The following DNAJC3 variants were observed in gnomAD, a reference collection of about 807,000 sequenced individuals.
The protein encoded by DNAJC3 is DnaJ heat shock protein family (Hsp40) member C3.
DNAJC3 carries 38 observed loss-of-function variants against 68.6 expected under a neutral mutation model. The observed-to-expected ratio is 0.55, with a 90% CI of 0.43 to 0.73. DNAJC3 has a LOEUF of 0.73. DNAJC3 is among the 30% of genes least tolerant of loss of function. The pLI is 0.00. For missense variants in DNAJC3, 526 were observed against 591.9 expected, an observed-to-expected ratio of 0.89 and a Z score of 1.16; for synonymous variants, 203 against 204.0, an observed-to-expected ratio of 1.00 and a Z score of 0.04.
At chr13:95,772,716 GT>G (rs766380020) in intron 9 of DNAJC3, among the ~76,000 whole-genome samples, 3 of 152,054 alleles carry the variant, frequency 2.0e-5, no homozygotes, top group Non-Finnish European at 2.9e-5. Flanking sequence ...AATATTTGCT[GT>G]TTCTTTTTGT....
intron 1 of DNAJC3, among the ~76,000 whole-genome samples, chr13:95,706,616 C>T (rs776296956): frequency 2.0e-5 from 3 of 152,118 alleles, no homozygotes; most frequent in Admixed American, 6.5e-5. Flanking sequence ...AAGGCATCCA[C>T]CATGGGTAAA....
intron 4 of DNAJC3, among the ~76,000 whole-genome samples, chr13:95,746,402 A>G (rs1359562583): frequency 6.6e-6 from 1 of 152,186 alleles, no homozygotes; most frequent in Non-Finnish European, 1.5e-5. Context: ...TAGACTTTAT[A>G]CATTTTGTGT....
At chr13:95,703,284 C>A (rs1051735068) in intron 1 of DNAJC3, among the ~76,000 whole-genome samples, 13 of 152,292 alleles carry the variant, frequency 8.5e-5, no homozygotes, top group African/African-American at 3.1e-4. Context: ...GAAAGCTTAA[C>A]TAAAACACGA....
chr13:95,751,103 CACAT>C (rs1249443700), intron 4 of DNAJC3, among the ~76,000 whole-genome samples: 1 of 152,050 alleles, frequency 6.6e-6, no homozygotes, highest in Non-Finnish European at 1.5e-5. Context: ...GGTATGGTGA[CACAT>C]ACCTGTAGTC....
chr13:95,742,396 G>C (rs1882173116), intron 4 of DNAJC3, among the ~76,000 whole-genome samples: 1 of 152,176 alleles, frequency 6.6e-6, no homozygotes, highest in Admixed American at 6.5e-5. Flanking sequence ...TGGAAGGTGT[G>C]TAGGATCCAG....
chr13:95,681,020 G>T (rs1215609601), intron 1 of DNAJC3, among the ~76,000 whole-genome samples: 3 of 152,188 alleles, frequency 2.0e-5, no homozygotes, highest in Non-Finnish European at 4.4e-5. Flanking sequence ...TAACTATATT[G>T]CTCTTTGGTG....
chr13:95,678,714 T>C (rs943615363), intron 1 of DNAJC3, among the ~76,000 whole-genome samples: 1 of 151,982 alleles, frequency 6.6e-6, no homozygotes, highest in South Asian at 2.1e-4. Context: ...TTGCCTATGT[T>C]CTGTTTAATG....
chr13:95,769,982 T>A (rs17879500), intron 9 of DNAJC3, among the ~76,000 whole-genome samples: 2 of 152,114 alleles, frequency 1.3e-5, no homozygotes, highest in Non-Finnish European at 2.9e-5. Flanking sequence ...TTCCAAATTA[T>A]GAAAAGCTTA....
intron 2 of DNAJC3, among the ~76,000 whole-genome samples, chr13:95,711,702 C>T (rs1880973159): frequency 6.6e-6 from 1 of 151,944 alleles, no homozygotes; most frequent in Non-Finnish European, 1.5e-5. Flanking sequence ...AACATAGCCT[C>T]TAAATACATA....
At chr13:95,741,067 T>C (rs928577063) in intron 4 of DNAJC3, among the ~76,000 whole-genome samples, 2 of 152,232 alleles carry the variant, frequency 1.3e-5, no homozygotes, top group African/African-American at 4.8e-5. Context: ...AATTTCTTTT[T>C]CATTGGAATC....
intron 2 of DNAJC3, among the ~76,000 whole-genome samples, chr13:95,717,589 G>A (rs902162040): frequency 2.0e-4 from 31 of 152,288 alleles, no homozygotes; most frequent in African/African-American, 6.7e-4. Flanking sequence ...ATCTCGAATT[G>A]TAGCTCCCAT....
At position 95,790,997 on chromosome 13, in the gene DNAJC3, C is replaced by A; in HGVS notation, c.1482C>A (p.Gly494=). The change falls in exon 12 of 12, where the codon GGC becomes GGA. Residue 494 remains glycine, a synonymous_variant. Coordinates refer to ENST00000602402, the MANE Select transcript of DNAJC3 (RefSeq NM_006260.5). The stretch of plus-strand genomic sequence containing the variant: ...AAGGGTTCAATCCCTTCAGCTCAGG[C>A]GGACCATTTAGATTTAAATTCCACT... The part of the protein sequence containing the change: ...SWQGFNPFSS[G]GPFRFKFHFN 7 of 1,613,680 alleles carry A rather than the reference C, an allele frequency of 4.3e-6. No individual in the cohort carries two copies. Among genetic ancestry groups the A allele is most frequent in the Non-Finnish European group, 5.9e-6 (7 of 1,179,868 alleles).
intron 7 of DNAJC3, among the ~76,000 whole-genome samples, chr13:95,761,038 A>G (rs1290266599): frequency 1.3e-5 from 2 of 152,240 alleles, no homozygotes; most frequent in South Asian, 4.1e-4. Flanking sequence ...AATATTTATT[A>G]TCTCCTATAT....
chr13:95,747,090 C>T (rs1882326919), intron 4 of DNAJC3, among the ~76,000 whole-genome samples: 1 of 152,170 alleles, frequency 6.6e-6, no homozygotes, highest in Non-Finnish European at 1.5e-5. Context: ...TTTAAATAGT[C>T]ATTTCATATA....
At chr13:95,711,236 C>T (rs1219825844) in intron 2 of DNAJC3, among the ~76,000 whole-genome samples, 4 of 152,282 alleles carry the variant, frequency 2.6e-5, no homozygotes, top group South Asian at 2.1e-4. Context: ...TGGTGGCCCA[C>T]GCCTGTAATC....
At chr13:95,724,664 A>G (rs1881447044) in intron 3 of DNAJC3, among the ~76,000 whole-genome samples, 1 of 152,064 alleles carries the variant, frequency 6.6e-6, no homozygotes, top group African/African-American at 2.4e-5. Flanking sequence ...ATTAGCGGTC[A>G]CTCCCCATTG....
chr13:95,758,056 G>A (rs188764048), intron 5 of DNAJC3, among the ~76,000 whole-genome samples: 1 of 152,216 alleles, frequency 6.6e-6, no homozygotes, highest in Admixed American at 6.5e-5. Context: ...AGTTGATTTT[G>A]TATTTTTTTG....
rs1883624202 is a variant in DNAJC3 at position 95,787,095 on chromosome 13, A to G, written c.1297A>G (p.Lys433Glu). 5.6e-6 allele frequency: 9 copies of G among 1,614,068 alleles called. 1 individual carries two copies. Among genetic ancestry groups the G allele is most frequent in the Non-Finnish European group, 7.6e-6 (9 of 1,179,960 alleles). Residue 433 changes from lysine (K) to glutamate (E), a missense_variant, in exon 11 of 12, where the codon AAA becomes GAA. Coordinates refer to ENST00000602402, the MANE Select transcript of DNAJC3 (RefSeq NM_006260.5). ...TAACTTCCAGAATGAAGAAGAAAAG[A>G]AAAAAGCTGAGAAAAAGTTCATTGA... ...PDNFQNEEEK[K>E]KAEKKFIDIA...
intron 9 of DNAJC3, among the ~76,000 whole-genome samples, chr13:95,772,196 T>TA (rs1311161548): frequency 6.6e-6 from 1 of 152,186 alleles, no homozygotes; most frequent in African/African-American, 2.4e-5. Flanking sequence ...TTTTCCACTA[T>TA]AAAAAAGCAG....
Sources: gnomAD v4.1 joint callset for allele counts (sites outside exome capture counted in the v4.1 genomes callset) on GRCh38, gnomAD v4.1.1 for gene constraint, MANE v1.5 for transcripts, NCBI Gene and HGNC (gene_info 2026-07-23, HGNC 2026-07-21) for gene names.